The following LUZP2 variants were observed in gnomAD, a reference collection of about 807,000 sequenced individuals.
LUZP2 encodes the protein leucine zipper protein 2.
Under a neutral mutation model 51.6 loss-of-function variants are expected in LUZP2, and 52 were observed. The observed-to-expected ratio is 1.01, with a 90% CI of 0.81 to 1.27. The LOEUF is 1.27. Among genes scored for constraint, LUZP2 ranks in the 50% most tolerant of loss-of-function variants. The probability of loss-of-function intolerance (pLI) is 0.00; values close to 1 mark genes in which losing one functional copy is unlikely to be tolerated. For synonymous variants in LUZP2, 154 were observed against 137.3 expected, an observed-to-expected ratio of 1.12 and a Z score of -0.85; for missense variants, 436 against 395.4, an observed-to-expected ratio of 1.10 and a Z score of -0.87.
At chr11:24,613,982 T>G (rs950317464) in intron 1 of LUZP2, among the ~76,000 whole-genome samples, 5 of 152,002 alleles carry the variant, frequency 3.3e-5, no homozygotes, top group African/African-American at 9.7e-5. Flanking sequence ...TGTGTTCTAT[T>G]TACATTTGTG....
At chr11:24,520,977 T>G (rs559584341) in intron 1 of LUZP2, among the ~76,000 whole-genome samples, 1 of 152,316 alleles carries the variant, frequency 6.6e-6, no homozygotes, top group African/African-American at 2.4e-5. Context: ...CAATGCGTGT[T>G]TTTAGTTCCC....
At chr11:24,561,828 A>AATAATAATAATAATAATAATAATAATG (rs148194595) in intron 1 of LUZP2, among the ~76,000 whole-genome samples, 42 of 151,168 alleles carry the variant, frequency 2.8e-4, no homozygotes, top group Middle Eastern at 6.9e-3. Flanking sequence ...TAATAATAAT[A>AATAATAATAATAATAATAATAATAATG]ATGATAATAA....
chr11:24,964,926 T>A (rs1405641415), intron 7 of LUZP2, among the ~76,000 whole-genome samples: 1 of 151,954 alleles, frequency 6.6e-6, no homozygotes, highest in African/African-American at 2.4e-5. Flanking sequence ...AAACATGTTT[T>A]ATTTTTAATG....
chr11:24,809,445 G>C (rs1849953624), intron 5 of LUZP2, among the ~76,000 whole-genome samples: 1 of 151,920 alleles, frequency 6.6e-6, no homozygotes. Flanking sequence ...ACCTAAATCT[G>C]CCGCCCCAAG....
At chr11:24,739,666 T>C (rs977377746) in intron 4 of LUZP2, among the ~76,000 whole-genome samples, 2 of 152,102 alleles carry the variant, frequency 1.3e-5, no homozygotes, top group African/African-American at 2.4e-5. Flanking sequence ...AGCCTGCCTT[T>C]CTTTTACAAA....
chr11:24,625,810 G>T (rs893353096), intron 1 of LUZP2, among the ~76,000 whole-genome samples: 1 of 152,068 alleles, frequency 6.6e-6, no homozygotes, highest in African/African-American at 2.4e-5. Context: ...TAAAGAAATA[G>T]AGTAGATTAG....
intron 1 of LUZP2, among the ~76,000 whole-genome samples, chr11:24,707,134 A>G (rs778027299): frequency 3.3e-5 from 5 of 152,082 alleles, no homozygotes; most frequent in Non-Finnish European, 7.4e-5. Context: ...TGATTTTTAT[A>G]TTTGAAATTT....
chr11:24,703,836 A>AAAAC (rs1030305187), intron 1 of LUZP2, among the ~76,000 whole-genome samples: 1 of 132,688 alleles, frequency 7.5e-6, no homozygotes, highest in Non-Finnish European at 1.6e-5. Context: ...CAAAAAACAA[A>AAAAC]AAACAAACAA....
At chr11:25,052,182 T>C (rs1242210997) in intron 10 of LUZP2, among the ~76,000 whole-genome samples, 2 of 152,214 alleles carry the variant, frequency 1.3e-5, no homozygotes, top group African/African-American at 2.4e-5. Context: ...ATTCAGAGCC[T>C]GCAGATTCAA....
At chr11:24,718,153 C>T (rs11028124) in intron 1 of LUZP2, among the ~76,000 whole-genome samples, 50,198 of 152,014 alleles carry the variant, frequency 0.33, 8,996 homozygotes, top group Non-Finnish European at 0.4. Flanking sequence ...AAAGAGTGAG[C>T]GGGTTGTGTG....
At chr11:24,887,078 T>C (rs1433666597) in intron 5 of LUZP2, among the ~76,000 whole-genome samples, 1 of 152,198 alleles carries the variant, frequency 6.6e-6, no homozygotes, top group Non-Finnish European at 1.5e-5. Context: ...GGCTCTTGTC[T>C]GACCTGTTTA....
chr11:24,751,651 C>T (rs1306914299), intron 4 of LUZP2: 21 of 790,728 alleles, frequency 2.7e-5, no homozygotes, highest in Non-Finnish European at 2.9e-5. Context: ...CTCCCCAGGA[C>T]AGCAGCCATC....
chr11:25,017,940 C>G (rs1034772794), intron 9 of LUZP2, among the ~76,000 whole-genome samples: 3 of 151,906 alleles, frequency 2.0e-5, no homozygotes, highest in African/African-American at 7.3e-5. Flanking sequence ...TTGCTTGTGT[C>G]ATCTATAATT....
intron 2 of LUZP2, among the ~76,000 whole-genome samples, chr11:24,730,898 C>G (rs893524292): frequency 6.6e-6 from 1 of 151,754 alleles, no homozygotes; most frequent in Admixed American, 6.6e-5. Context: ...ATTTTTTTGG[C>G]TGCCATTGTG....
chr11:24,836,291 CT>C (rs1268175796), intron 5 of LUZP2, among the ~76,000 whole-genome samples: 1 of 151,370 alleles, frequency 6.6e-6, no homozygotes, highest in Non-Finnish European at 1.5e-5. Context: ...TAAGTCATCA[CT>C]GTTTTTAATA....
At chr11:24,944,694 C>T (rs1209662675) in intron 7 of LUZP2, among the ~76,000 whole-genome samples, 1 of 152,096 alleles carries the variant, frequency 6.6e-6, no homozygotes, top group African/African-American at 2.4e-5. Context: ...TCTTCGGGAG[C>T]AGATGGAGTA....
chr11:24,939,796 G>A (rs2133847414), intron 7 of LUZP2, among the ~76,000 whole-genome samples: 1 of 152,270 alleles, frequency 6.6e-6, no homozygotes, highest in Middle Eastern at 3.4e-3. Context: ...GGAAAAAAAT[G>A]TCTGTAATTT....
chr11:24,581,192 C>T (rs1347953898), intron 1 of LUZP2, among the ~76,000 whole-genome samples: 17 of 141,754 alleles, frequency 1.2e-4, no homozygotes, highest in Admixed American at 6.4e-4. Context: ...TACCCTTTCA[C>T]TGGCCAAAAA....
At chr11:24,507,726 T>C (rs1850184585) in intron 1 of LUZP2, among the ~76,000 whole-genome samples, 1 of 152,036 alleles carries the variant, frequency 6.6e-6, no homozygotes, top group African/African-American at 2.4e-5. Context: ...TGTTCTAGGC[T>C]ACTTGGGGCA....
Sources: gnomAD v4.1 joint callset for allele counts (sites outside exome capture counted in the v4.1 genomes callset) on GRCh38, gnomAD v4.1.1 for gene constraint, MANE v1.5 for transcripts, NCBI Gene and HGNC (gene_info 2026-07-23, HGNC 2026-07-21) for gene names.